ADCY2: variants seen among roughly 807,000 people sequenced by gnomAD.
The protein encoded by ADCY2 is adenylate cyclase 2, also known as adenylate cyclase type 2.
In ADCY2, 31 loss-of-function variants were observed where a neutral mutation model predicts 125.2. That is an observed-to-expected ratio of 0.25 (90% CI 0.19 to 0.33). The LOEUF (loss-of-function observed/expected upper bound fraction) is 0.33, where lower values mean the gene tolerates loss of function less well. ADCY2 is among the 10% of genes least tolerant of loss of function. The probability of loss-of-function intolerance (pLI) is 1.00; values close to 1 mark genes in which losing one functional copy is unlikely to be tolerated. For synonymous variants in ADCY2, 512 were observed against 548.4 expected (o/e 0.93, Z 0.93); for missense variants, 904 against 1,418.2 (o/e 0.64, Z 5.82).
chr5:7,718,097 C>T (rs1329408035), intron 12 of ADCY2, among the ~76,000 whole-genome samples: 1 of 151,052 alleles, frequency 6.6e-6, no homozygotes, highest in Admixed American at 6.6e-5. Context: ...AATTAAGTTA[C>T]AGGGCCTCAA....
chr5:7,607,036 G>A (rs1279013889), intron 3 of ADCY2, among the ~76,000 whole-genome samples: 1 of 152,084 alleles, frequency 6.6e-6, no homozygotes. Context: ...CTGTCTTTCT[G>A]TGAGCCCTTT....
chr5:7,788,257 G>A (rs1313012735), intron 19 of ADCY2, among the ~76,000 whole-genome samples: 2 of 152,122 alleles, frequency 1.3e-5, no homozygotes, highest in Non-Finnish European at 2.9e-5. Context: ...TCTGCTCCCT[G>A]CAACCTCCAC....
At chr5:7,635,513 A>G (rs893215902) in intron 4 of ADCY2, among the ~76,000 whole-genome samples, 6 of 152,214 alleles carry the variant, frequency 3.9e-5, no homozygotes, top group African/African-American at 1.4e-4. Context: ...ACATTTCAAC[A>G]TCTTGGTCAC....
Position 7,626,330 on chromosome 5 carries a change from CAT to C in ADCY2, c.720+15_720+16del. ...AAACGTCAACAGGTAATGGATGTTT[CAT>C]CTTACATCCACATTATTTTAGTCAT... On this transcript the variant is annotated intron_variant, in intron 4 of 24. Transcript: ENST00000338316. 1.9e-6 allele frequency: 3 copies of C among 1,611,428 alleles called. No homozygotes were observed. Among genetic ancestry groups the C allele is most frequent in the Non-Finnish European group, 1.7e-6 (2 of 1,178,158 alleles).
chr5:7,427,118 A>T (rs1423334369), intron 2 of ADCY2, among the ~76,000 whole-genome samples: 2 of 152,122 alleles, frequency 1.3e-5, no homozygotes, highest in Non-Finnish European at 2.9e-5. Context: ...TGCTTCTTGC[A>T]TCTTCTCAAT....
At chr5:7,476,676 T>C (rs1332532815) in intron 2 of ADCY2, among the ~76,000 whole-genome samples, 1 of 152,160 alleles carries the variant, frequency 6.6e-6, no homozygotes, top group Non-Finnish European at 1.5e-5. Flanking sequence ...TTCTCAGAGC[T>C]GATTCTTATG....
intron 23 of ADCY2, 33 bp from the exon 24 acceptor site, chr5:7,820,532 G>A (rs766895139): frequency 6.2e-7 from 1 of 1,611,880 alleles, no homozygotes; most frequent in African/African-American, 1.3e-5. Flanking sequence ...GTTATAAGAT[G>A]AATCTTGCTA....
At position 7,767,215 on chromosome 5, in the gene ADCY2, C is replaced by G. The variant is rs560996150; in HGVS notation, c.2214+409C>G. Among the ~76,000 whole-genome samples the G allele has an allele frequency of 2.6e-5, 4 of 152,292 alleles. No homozygotes were observed. In the South Asian group the frequency reaches 8.3e-4, roughly 32 times the overall value. ...GATAAAACTGCCCACATCTCATTAT[C>G]TTCCCTCTTCTTTGGCAACATACGT... On this transcript the variant is annotated intron_variant, in intron 17 of 24. Transcript: ENST00000338316.
intron 14 of ADCY2, 46 bp from the exon 15 acceptor site, chr5:7,743,622 G>A: frequency 6.4e-7 from 1 of 1,568,788 alleles, no homozygotes; most frequent in Non-Finnish European, 8.8e-7. Context: ...TCCAGAATGA[G>A]AGAAACGATC....
intron 4 of ADCY2, chr5:7,658,209 A>G (rs371647714): frequency 2.6e-5 from 4 of 152,244 alleles, no homozygotes; most frequent in African/African-American, 7.2e-5. Context: ...GGTGGAGAAT[A>G]TCCCTACCTT....
intron 2 of ADCY2, among the ~76,000 whole-genome samples, chr5:7,501,638 T>TCCCCCCCCCCCCCCCCCCCCC (rs1491185696): frequency 3.6e-5 from 1 of 27,934 alleles, no homozygotes; most frequent in African/African-American, 1.6e-4. Flanking sequence ...AAGAATGAGA[T>TCCCCCCCCCCCCCCCCCCCCC]TCCCCCCTCC....
At chr5:7,458,258 TC>T (rs1217705994) in intron 2 of ADCY2, among the ~76,000 whole-genome samples, 21 of 152,180 alleles carry the variant, frequency 1.4e-4, no homozygotes, top group African/African-American at 5.1e-4. Flanking sequence ...AATAATAGAG[TC>T]CTTTATCTTA....
At chr5:7,724,449 A>G (rs1288759221) in intron 12 of ADCY2, 96 bp from the exon 13 acceptor site, 21 of 947,786 alleles carry the variant, frequency 2.2e-5, no homozygotes, top group Non-Finnish European at 3.5e-5. Flanking sequence ...AATGATACAC[A>G]ATAAAGAAAG....
intron 3 of ADCY2, among the ~76,000 whole-genome samples, chr5:7,532,905 C>T (rs1181890731): frequency 6.6e-6 from 1 of 151,678 alleles, no homozygotes; most frequent in East Asian, 1.9e-4. Context: ...CAGCTCTGGC[C>T]ATGGGTCAGA....
intron 4 of ADCY2, among the ~76,000 whole-genome samples, chr5:7,678,825 C>G (rs1183835044): frequency 6.6e-6 from 1 of 152,170 alleles, no homozygotes; most frequent in Non-Finnish European, 1.5e-5. Context: ...AGAGCTGAGG[C>G]CAGAATGTTC....
intron 14 of ADCY2, among the ~76,000 whole-genome samples, chr5:7,733,023 G>C (rs1231364107): frequency 1.3e-5 from 2 of 152,128 alleles, no homozygotes; most frequent in African/African-American, 4.8e-5. Flanking sequence ...AGCATGAATT[G>C]CTTTTTTTGC....
chr5:7,738,412 A>G (rs1187046982), intron 14 of ADCY2, among the ~76,000 whole-genome samples: 2 of 151,998 alleles, frequency 1.3e-5, no homozygotes, highest in Non-Finnish European at 2.9e-5. Context: ...ATAATAATGG[A>G]AGAACAGAAA....
chr5:7,401,194 C>T (rs1236667042), intron 1 of ADCY2, among the ~76,000 whole-genome samples: 1 of 152,192 alleles, frequency 6.6e-6, no homozygotes, highest in African/African-American at 2.4e-5. Context: ...AAGTAAGCCT[C>T]CAGGACTGTT....
chr5:7,791,041 AG>A (rs1281394880), intron 20 of ADCY2, among the ~76,000 whole-genome samples: 3 of 105,598 alleles, frequency 2.8e-5, no homozygotes, highest in Non-Finnish European at 7.4e-5. Context: ...TTTTCTGGTC[AG>A]TTTTTTTTTG....
Sources: gnomAD v4.1 joint callset for allele counts (sites outside exome capture counted in the v4.1 genomes callset) on GRCh38, gnomAD v4.1.1 for gene constraint, MANE v1.5 for transcripts, NCBI Gene and HGNC (gene_info 2026-07-23, HGNC 2026-07-21) for gene names.